Variants in MAN2B2 observed in about 807,000 individuals in gnomAD.
MAN2B2 encodes epididymis-specific alpha-mannosidase.
Under a neutral mutation model 117.1 loss-of-function variants are expected in MAN2B2, and 106 were observed. The ratio of observed to expected loss-of-function variants is 0.90; its 90% CI spans 0.77 to 1.06. MAN2B2 has a LOEUF of 1.06. MAN2B2 is among the 50% of genes least tolerant of loss of function. The pLI is 0.00. For missense variants in MAN2B2, 1,326 were observed against 1,381.4 expected (o/e 0.96, Z 0.64); for synonymous variants, 544 against 595.1 (o/e 0.91, Z 1.25).
At chr4:6,588,187 G>A (rs1726715904) in intron 4 of MAN2B2, among the ~76,000 whole-genome samples, 3 of 152,146 alleles carry the variant, frequency 2.0e-5, no homozygotes. Context: ...CCATGGTTCT[G>A]GAGGCTGGAA....
chr4:6,587,287 GC>G, intron 4 of MAN2B2, 119 bp downstream of exon 4: 5 of 1,257,692 alleles, frequency 4.0e-6, no homozygotes, highest in Non-Finnish European at 5.4e-6. Context: ...CTTGGCAGCT[GC>G]ATAGACCGCG....
intron 11 of MAN2B2, among the ~76,000 whole-genome samples, chr4:6,607,949 A>G (rs971937693): frequency 2.6e-5 from 4 of 152,160 alleles, no homozygotes; most frequent in Non-Finnish European, 4.4e-5. Flanking sequence ...GTGGCATCTC[A>G]TGATGGTTTC....
chr4:6,594,103 C>A (rs1236482069), intron 6 of MAN2B2, among the ~76,000 whole-genome samples: 1 of 151,890 alleles, frequency 6.6e-6, no homozygotes, highest in Admixed American at 6.6e-5. Context: ...AATTAATAAT[C>A]ATTAATTATA....
intron 4 of MAN2B2, among the ~76,000 whole-genome samples, chr4:6,588,422 T>G (rs913069947): frequency 6.6e-6 from 1 of 152,226 alleles, no homozygotes; most frequent in Non-Finnish European, 1.5e-5. Flanking sequence ...TGATTACTTC[T>G]GTAAAGACCC....
intron 1 of MAN2B2, 34 bp from the exon 2 acceptor site, chr4:6,576,544 G>A (rs764722651): frequency 6.3e-7 from 1 of 1,596,456 alleles, no homozygotes; most frequent in Admixed American, 1.7e-5. Flanking sequence ...GGTCTTGTTG[G>A]ACCGGGGCTG....
At position 6,600,553 on chromosome 4, in the gene MAN2B2, G is replaced by T. The variant is rs528884345; in HGVS notation, c.1406-70G>T. The T allele has an allele frequency of 2.2e-4, 342 of 1,570,554 alleles. No individual in the cohort carries two copies. The Middle Eastern group carries it at 2.4e-3, about 11-fold the overall frequency. On this transcript the variant is annotated intron_variant, in intron 9 of 18. Coordinates refer to ENST00000285599, the MANE Select transcript of MAN2B2 (RefSeq NM_015274.3). ...ACCTCAGTTTCCCTCATACTGAGGT[G>T]CAGCCAGTGAGCACCCCATTCCAGA... is the stretch of plus-strand genomic sequence containing the variant.
chr4:6,576,803 A>G, intron 2 of MAN2B2, 79 bp downstream of exon 2: 3 of 1,556,960 alleles, frequency 1.9e-6, no homozygotes, highest in Non-Finnish European at 2.6e-6. Context: ...GGGCAGTTCT[A>G]GCCAGGGCCA....
chr4:6,579,325 CCACCACCACCACCACCATCACCAT>C (rs1726307948), intron 3 of MAN2B2, among the ~76,000 whole-genome samples: 5 of 57,342 alleles, frequency 8.7e-5, no homozygotes, highest in African/African-American at 1.5e-4. Context: ...ACCATCACCA[CCACCACCACCACCACCATCACCAT>C]CACCACCACC....
chr4:6,611,274 C>T lies in MAN2B2; in HGVS notation c.2559C>T (p.Leu853=), dbSNP rs747595010. 43 of 1,597,612 alleles carry T rather than the reference C, an allele frequency of 2.7e-5. No individual in the cohort carries two copies. Among genetic ancestry groups the T allele is most frequent in the South Asian group, 4.5e-5 (4 of 89,184 alleles). ...QHRPVVLFGD[L]AGTAPKLPGP... Reference sequence around the variant, plus strand: ...GGCCCGTGGTGCTGTTCGGAGACCTCGCTGGTAAAGGGGCACCCTTTCAGA... The same window carrying T: ...GGCCCGTGGTGCTGTTCGGAGACCTTGCTGGTAAAGGGGCACCCTTTCAGA... Residue 853 remains leucine (L), a synonymous_variant, in exon 15 of 19, where the codon CTC becomes CTT. Coordinates refer to ENST00000285599, the MANE Select transcript of MAN2B2 (RefSeq NM_015274.3).
chr4:6,618,484 G>C (rs1454136413), intron 17 of MAN2B2: 1 of 152,224 alleles, frequency 6.6e-6, no homozygotes, highest in Non-Finnish European at 1.5e-5. Flanking sequence ...GTAAAATGGG[G>C]AGAGGTGAGA....
chr4:6,579,382 C>G (rs1726323820), intron 3 of MAN2B2, among the ~76,000 whole-genome samples: 1 of 34,186 alleles, frequency 2.9e-5, no homozygotes, highest in Non-Finnish European at 6.9e-5. Flanking sequence ...ACCACCACCA[C>G]TACCCTTCAC....
In MAN2B2 at chr4:6,607,449, C is replaced by G. The variant is rs141072410; in HGVS notation, c.1815-1658C>G. On this transcript the variant is annotated intron_variant, in intron 11 of 18. Coordinates refer to ENST00000285599, the MANE Select transcript of MAN2B2 (RefSeq NM_015274.3). ...CAAACTCCTGAGCTCAAGTGATCCA[C>G]CTGCCTCAGCTTCCCAAAGTGCTGG... 7.9e-5 allele frequency among the ~76,000 whole-genome samples: 12 copies of G among 152,334 alleles called. No homozygotes were observed. The East Asian group carries it at 2.1e-3, about 27-fold the overall frequency.
chr4:6,602,578 C>G (rs1727374246), intron 10 of MAN2B2, among the ~76,000 whole-genome samples: 2 of 152,186 alleles, frequency 1.3e-5, no homozygotes, highest in Non-Finnish European at 2.9e-5. Flanking sequence ...CGTGGCATCA[C>G]TCATGCCAAG....
intron 16 of MAN2B2, among the ~76,000 whole-genome samples, chr4:6,615,484 C>T (rs28372583): frequency 6.6e-6 from 1 of 151,982 alleles, no homozygotes; most frequent in Non-Finnish European, 1.5e-5. Flanking sequence ...AACCAGCTAC[C>T]CCATAGCCCC....
rs760639864 is a variant in MAN2B2 at position 6,619,997 on chromosome 4, G to A, written c.2885G>A (p.Ser962Asn). The A allele has an allele frequency of 1.2e-6, 2 of 1,613,798 alleles. No individual in the cohort carries two copies. The highest frequency in any genetic ancestry group is 2.2e-5 in the South Asian group (2 of 91,078). Reference protein sequence around the residue: ...ERSLTGTWDLSMLHRWSWRTG... With the variant: ...ERSLTGTWDLNMLHRWSWRTG... ...TCGCTCACAGGGACCTGGGATTTGA[G>A]CATGCTGCACCGCTGGAGCTGGAGG... Residue 962 changes from serine (S) to asparagine (N), a missense_variant, in exon 18 of 19, where the codon AGC becomes AAC. Transcript: ENST00000285599.
chr4:6,579,343 TCACCATCACCACCACCATCACCATCACC>T (rs1726314469), intron 3 of MAN2B2, among the ~76,000 whole-genome samples: 1 of 28,474 alleles, frequency 3.5e-5, no homozygotes, highest in African/African-American at 1.4e-4. Flanking sequence ...ACCACCACCA[TCACCATCACCACCACCATCACCATCACC>T]ACCACCACCA....
At chr4:6,591,304 A>G (rs1726851787) in intron 5 of MAN2B2, among the ~76,000 whole-genome samples, 1 of 152,238 alleles carries the variant, frequency 6.6e-6, no homozygotes, top group African/African-American at 2.4e-5. Context: ...CCTAAATGGT[A>G]GATGGTTGAA....
intron 10 of MAN2B2, 102 bp from the exon 11 acceptor site, chr4:6,604,953 C>T (rs927494209): frequency 1.2e-5 from 16 of 1,373,236 alleles, no homozygotes; most frequent in Middle Eastern, 1.9e-4. Flanking sequence ...CGGCAGGATC[C>T]GAGAGATGGA....
chr4:6,575,389 CT>C, intron 1 of MAN2B2, 41 bp downstream of exon 1: 2 of 1,411,628 alleles, frequency 1.4e-6, no homozygotes, highest in East Asian at 2.7e-5. Context: ...GAGGCTGCAG[CT>C]TCCCTCTCCC....
Sources: allele counts gnomAD v4.1 joint callset (sites outside exome capture counted in the v4.1 genomes callset), GRCh38; gene constraint gnomAD v4.1.1; transcripts MANE v1.5; gene names NCBI Gene and HGNC (gene_info 2026-07-23, HGNC 2026-07-21).